Variants in RTTN observed in about 807,000 individuals in gnomAD.
RTTN encodes rotatin.
Under a neutral mutation model 269.2 loss-of-function variants are expected in RTTN, and 182 were observed. The ratio of observed to expected loss-of-function variants is 0.68; its 90% CI spans 0.60 to 0.76. The LOEUF (loss-of-function observed/expected upper bound fraction) is 0.76, where lower values mean the gene tolerates loss of function less well. Among genes scored for constraint, RTTN ranks in the 30% least tolerant of loss-of-function variants. The pLI, the probability that RTTN is intolerant of heterozygous loss-of-function variation, is 0.00. For synonymous variants in RTTN, 1,006 were observed against 963.5 expected (o/e 1.04, Z -0.82); for missense variants, 2,545 against 2,608.6 (o/e 0.98, Z 0.53).
chr18:70,105,777 T>C (rs989145251), intron 28 of RTTN, among the ~76,000 whole-genome samples: 2 of 152,156 alleles, frequency 1.3e-5, no homozygotes, highest in Admixed American at 6.5e-5. Flanking sequence ...AAAATATATA[T>C]ATACATTATT....
intron 28 of RTTN, among the ~76,000 whole-genome samples, chr18:70,106,639 G>GA (rs1164798063): frequency 5.9e-5 from 9 of 151,528 alleles, no homozygotes. Flanking sequence ...AGAGATGTGG[G>GA]AAAAAACTAC....
intron 46 of RTTN, among the ~76,000 whole-genome samples, chr18:70,013,203 T>C (rs1029757394): frequency 6.6e-6 from 1 of 152,208 alleles, no homozygotes; most frequent in African/African-American, 2.4e-5. Flanking sequence ...GCACATCAAA[T>C]GTCCCCTTAT....
rs549561642 is a variant in RTTN at position 70,197,727 on chromosome 18, C to T, written c.590G>A (p.Ser197Asn). The T allele has an allele frequency of 6.7e-5, 106 of 1,588,764 alleles. No individual in the cohort carries two copies. In the Admixed American group the frequency reaches 1.3e-3, roughly 19 times the overall value. Reference protein sequence around the residue: ...VLSSNESSLRSSNHTLIWNTC... With the variant: ...VLSSNESSLRNSNHTLIWNTC... ...GTTCCAGATTAAAGTGTGGTTACTA[C>T]TTCTTAAAGAGCTACAAAACATAGC... is the stretch of plus-strand genomic sequence containing the variant. The change falls in exon 6 of 49, where the codon AGT (serine) becomes AAT (asparagine). Residue 197 changes from serine (S) to asparagine (N), a missense_variant. Physicochemically the swap from Ser to Asn is conservative, Grantham distance 46. Coordinates refer to ENST00000640769, the MANE Select transcript of RTTN (RefSeq NM_173630.4).
intron 21 of RTTN, chr18:70,138,402 T>G (rs1029634363): frequency 1.1e-4 from 16 of 152,136 alleles, no homozygotes; most frequent in Admixed American, 7.9e-4. Context: ...ATAGAAAAAC[T>G]GAAATACTGA....
intron 2 of RTTN, among the ~76,000 whole-genome samples, chr18:70,204,515 C>A (rs1216945296): frequency 2.0e-5 from 3 of 152,130 alleles, no homozygotes; most frequent in Non-Finnish European, 4.4e-5. Flanking sequence ...CATTATCAAT[C>A]CCTACTCTTA....
intron 46 of RTTN, among the ~76,000 whole-genome samples, chr18:70,015,736 T>C (rs2056520158): frequency 6.6e-6 from 1 of 151,996 alleles, no homozygotes; most frequent in African/African-American, 2.4e-5. Flanking sequence ...TCTAGAGGGG[T>C]CTAGAAGTGG....
intron 32 of RTTN, among the ~76,000 whole-genome samples, chr18:70,085,799 C>T (rs2058686007): frequency 6.6e-6 from 1 of 152,106 alleles, no homozygotes; most frequent in African/African-American, 2.4e-5. Context: ...TAAAGACAGA[C>T]ATAACAGACA....
At chr18:70,164,553 A>AG (rs1168773077) in intron 14 of RTTN, among the ~76,000 whole-genome samples, 1 of 151,636 alleles carries the variant, frequency 6.6e-6, no homozygotes, top group Non-Finnish European at 1.5e-5. Flanking sequence ...TCACCATCAA[A>AG]AAAAGTAAAT....
chr18:70,011,885 G>A (rs1403566883), intron 46 of RTTN, among the ~76,000 whole-genome samples: 1 of 151,734 alleles, frequency 6.6e-6, no homozygotes, highest in Non-Finnish European at 1.5e-5. Context: ...TCTGCTCACT[G>A]GTGTTAGATA....
intron 39 of RTTN, among the ~76,000 whole-genome samples, chr18:70,048,597 TTTTG>T (rs144270205): frequency 0.028 from 4,293 of 152,286 alleles, 224 homozygotes; most frequent in African/African-American, 0.098. Flanking sequence ...GGATTTATAA[TTTTG>T]TTTGATTTTA....
chr18:70,166,894 A>C, intron 13 of RTTN, 25 bp downstream of exon 13: 1 of 1,484,434 alleles, frequency 6.7e-7, no homozygotes. Context: ...TAATAACGTA[A>C]TCACATTAAG....
Position 70,127,544 on chromosome 18 carries a change from C to T in RTTN, c.3341G>A (p.Gly1114Glu). The change falls in exon 25 of 49, where the codon GGG (glycine) becomes GAG (glutamate). Residue 1114 changes from glycine to glutamate, a missense_variant. Gly to Glu is a moderately conservative substitution (Grantham distance 98). Transcript: ENST00000640769. ...CCAAGCCAAGGACTTCAAGGTAACC[C>T]CACATGGACCAGGGCAACCCTTTAA... The part of the protein sequence containing the change: ...LSLKGCPGPC[G>E]VTLKSLAWHT... 6.2e-7 allele frequency: 1 copy of T among 1,613,444 alleles called. No homozygotes were observed. The highest frequency in any genetic ancestry group is 8.5e-7 in the Non-Finnish European group (1 of 1,179,680).
At chr18:70,119,114 T>A (rs551146977) in intron 26 of RTTN, among the ~76,000 whole-genome samples, 1 of 152,092 alleles carries the variant, frequency 6.6e-6, no homozygotes, top group South Asian at 2.1e-4. Context: ...ATAAAAGGCA[T>A]CCACATTAGA....
At chr18:70,165,119 C>T (rs1417927375) in intron 14 of RTTN, among the ~76,000 whole-genome samples, 1 of 151,990 alleles carries the variant, frequency 6.6e-6, no homozygotes, top group East Asian at 1.9e-4. Context: ...CACAGACTGT[C>T]ACTGAAAATA....
At chr18:70,103,428 C>G (rs906060086) in intron 28 of RTTN, among the ~76,000 whole-genome samples, 2 of 152,126 alleles carry the variant, frequency 1.3e-5, no homozygotes, top group Non-Finnish European at 2.9e-5. Context: ...ATTTTTCTGC[C>G]TTGGGATGCT....
At chr18:70,120,911 C>G (rs1303420420) in intron 26 of RTTN, among the ~76,000 whole-genome samples, 1 of 152,024 alleles carries the variant, frequency 6.6e-6, no homozygotes, top group East Asian at 1.9e-4. Context: ...ATTAGCTGGG[C>G]GTGGTGGCAG....
intron 6 of RTTN, 146 bp downstream of exon 6, chr18:70,197,478 G>A (rs762501692): frequency 1.4e-5 from 9 of 657,204 alleles, no homozygotes; most frequent in African/African-American, 3.7e-5. Flanking sequence ...CCAAGTTAGC[G>A]AATAAGTGCT....
intron 46 of RTTN, among the ~76,000 whole-genome samples, chr18:70,011,224 T>C (rs1049468555): frequency 2.6e-5 from 4 of 152,124 alleles, no homozygotes; most frequent in African/African-American, 9.7e-5. Context: ...GGGAATCCTC[T>C]CTAACTCATT....
intron 43 of RTTN, among the ~76,000 whole-genome samples, chr18:70,027,793 T>C (rs1397338151): frequency 6.6e-6 from 1 of 152,192 alleles, no homozygotes; most frequent in Non-Finnish European, 1.5e-5. Flanking sequence ...AATAAATACT[T>C]AATTTCCATC....
Sources: allele counts gnomAD v4.1 joint callset (sites outside exome capture counted in the v4.1 genomes callset), GRCh38; gene constraint gnomAD v4.1.1; transcripts MANE v1.5; gene names NCBI Gene and HGNC (gene_info 2026-07-23, HGNC 2026-07-21).